The following PROZ variants were observed in gnomAD, a reference collection of about 807,000 sequenced individuals.
The protein encoded by PROZ is protein Z, vitamin K dependent plasma glycoprotein.
In PROZ, 46 loss-of-function variants were observed where a neutral mutation model predicts 34.9. That is an observed-to-expected ratio of 1.32 (90% CI 1.04 to 1.69). PROZ has a LOEUF of 1.69. Ranked by LOEUF, PROZ falls within the 40% of genes most tolerant of loss-of-function variation. The probability of loss-of-function intolerance (pLI) is 0.00; values close to 1 mark genes in which losing one functional copy is unlikely to be tolerated. For missense variants in PROZ, 530 were observed against 520.4 expected (o/e 1.02, Z -0.18); for synonymous variants, 195 against 208.5 (o/e 0.94, Z 0.56).
Position 113,158,676 on chromosome 13 carries a change from C to A in PROZ, c.16C>A (p.Pro6Thr), listed in dbSNP as rs764891776. The A allele has an allele frequency of 7.5e-6, 12 of 1,605,314 alleles. No individual in the cohort carries two copies. In the African/African-American group the frequency reaches 1.6e-4, roughly 21 times the overall value. The change falls in exon 1 of 8, where the codon CCA becomes ACA. Residue 6 changes from proline to threonine, a missense_variant. Physicochemically the swap from Pro to Thr is conservative, Grantham distance 38 (BLOSUM62 -1). Transcript: ENST00000375547. The surrounding 1 kb of genome is among the most constrained non-coding windows in gnomAD (Gnocchi z 4.3). MAGCV[P>T]LLQGLVLVLA... ...CCGGGTGGGAATGGCAGGCTGCGTC[C>A]CACTGCTCCAGGGCCTGGTCCTGGT...
At position 113,159,851 on chromosome 13, in the gene PROZ, TC is replaced by T. The variant is rs1358364165; in HGVS notation, c.71-162del. 6.6e-5 allele frequency among the ~76,000 whole-genome samples: 10 copies of T among 152,158 alleles called. No homozygotes were observed. The highest frequency in any genetic ancestry group is 2.4e-4 in the African/African-American group (10 of 41,446). ...CCAGAGGATGAAGTGCTTGCCTACCTCGGGGGAGGGAGTAGCGGGGTGGCCC... is the reference window on the plus strand; with the variant it reads ...CCAGAGGATGAAGTGCTTGCCTACCTGGGGGAGGGAGTAGCGGGGTGGCCC... On this transcript the variant is annotated intron_variant, in intron 1 of 7. Transcript: ENST00000375547. This position sits in a 1 kb window ranked among gnomAD's most constrained non-coding sequence, Gnocchi z 4.6.
At chr13:113,168,762 C>T (rs2037022049) in intron 6 of PROZ, among the ~76,000 whole-genome samples, 1 of 151,970 alleles carries the variant, frequency 6.6e-6, no homozygotes. Context: ...CGGGTCTCGC[C>T]CTATTGCCTG....
rs559152328 is a variant in PROZ at position 113,163,229 on chromosome 13, T to G, written c.373+107T>G. 9.3e-5 allele frequency: 91 copies of G among 982,958 alleles called. 1 individual carries two copies. In the Admixed American group the frequency reaches 1.8e-3, roughly 19 times the overall value. 60.9% of individuals were successfully genotyped at this position (982,958 alleles called of 1,614,324 possible). A position where few individuals can be genotyped will look rare whatever the true frequency, so the allele number is the denominator to read the frequency against. On this transcript the variant is annotated intron_variant, in intron 4 of 7. Coordinates refer to ENST00000375547, the MANE Select transcript of PROZ (RefSeq NM_003891.3). ...CCCTCCTGAGGTGTAGCCATGAAGG[T>G]GCCTGTGTGAACCGCGATTTGGCTC...
chr13:113,170,370 C>T, intron 6 of PROZ, 43 bp from the exon 7 acceptor site: 4 of 1,267,448 alleles, frequency 3.2e-6, no homozygotes, highest in Non-Finnish European at 4.6e-6. Context: ...CCTAATCCTG[C>T]AAATTGTCAC....
At position 113,159,964 on chromosome 13, in the gene PROZ, A is replaced by C; in HGVS notation, c.71-50A>C. On this transcript the variant is annotated intron_variant, in intron 1 of 7. Coordinates refer to ENST00000375547, the MANE Select transcript of PROZ (RefSeq NM_003891.3). This position sits in a 1 kb window ranked among gnomAD's most constrained non-coding sequence, Gnocchi z 4.6. ...GGGAGGAAGCCAGGCAGCTCTGGAA[A>C]GCAGGGCCCTCGGTGCTCCCAGTCA... 6.2e-7 allele frequency: 1 copy of C among 1,607,398 alleles called. No homozygotes were observed. Among genetic ancestry groups the C allele is most frequent in the Non-Finnish European group, 8.5e-7 (1 of 1,175,148 alleles).
In PROZ at chr13:113,171,221, C is replaced by T. The variant is rs1338892330; in HGVS notation, c.692-373C>T. On this transcript the variant is annotated intron_variant, in intron 7 of 7. Coordinates refer to ENST00000375547, the MANE Select transcript of PROZ (RefSeq NM_003891.3). The surrounding 1 kb of genome is among the most constrained non-coding windows in gnomAD (Gnocchi z 5.1). Reference sequence around the variant, plus strand: ...TACAGATGTGAGCCACTGTGCCTGGCCCTTAAATATTTTTCAATCAACAAA... The same window carrying T: ...TACAGATGTGAGCCACTGTGCCTGGTCCTTAAATATTTTTCAATCAACAAA... Among the ~76,000 whole-genome samples the T allele has an allele frequency of 6.6e-6, 1 of 152,194 alleles. No individual in the cohort carries two copies. The highest frequency in any genetic ancestry group is 1.5e-5 in the Non-Finnish European group (1 of 68,040).
intron 5 of PROZ, 80 bp downstream of exon 5, chr13:113,164,724 G>A: frequency 6.3e-7 from 1 of 1,582,132 alleles, no homozygotes; most frequent in Non-Finnish European, 8.6e-7. Flanking sequence ...TGTAGTACTG[G>A]GTGAAGCCCG....
At position 113,171,522 on chromosome 13, in the gene PROZ, A is replaced by G. The variant is rs2037111029; in HGVS notation, c.692-72A>G. The G allele has an allele frequency of 6.3e-7, 1 of 1,599,500 alleles. No individual in the cohort carries two copies. The highest frequency in any genetic ancestry group is 1.7e-5 in the Admixed American group (1 of 59,054). On this transcript the variant is annotated intron_variant, in intron 7 of 7. Transcript: ENST00000375547. This position sits in a 1 kb window ranked among gnomAD's most constrained non-coding sequence, Gnocchi z 5.1. Reference sequence around the variant, plus strand: ...CTCTCCCTCCTCACGTGGCTCCCTGAGAAGCTCGTTTGAGCATTATGTCCC... The same window carrying G: ...CTCTCCCTCCTCACGTGGCTCCCTGGGAAGCTCGTTTGAGCATTATGTCCC...
At chr13:113,162,903 AT>A in intron 3 of PROZ, 105 bp from the exon 4 acceptor site, 2 of 242,908 alleles carry the variant, frequency 8.2e-6, no homozygotes, top group South Asian at 2.9e-5. Context: ...CCCCCACTCC[AT>A]CCTCCTCCTG....
chr13:113,170,358 C>A, intron 6 of PROZ, 55 bp from the exon 7 acceptor site: 3 of 1,092,558 alleles, frequency 2.7e-6, no homozygotes, highest in East Asian at 2.4e-5. Flanking sequence ...GACTTTACTG[C>A]CCCTAATCCT....
In PROZ at chr13:113,164,551, CAA is replaced by C; in HGVS notation, c.413_414del (p.Gln138ProfsTer22). 1.2e-6 allele frequency: 2 copies of C among 1,613,072 alleles called. No individual in the cohort carries two copies. The highest frequency in any genetic ancestry group is 1.7e-6 in the Non-Finnish European group (2 of 1,179,958). ...TCACCCAGAGCGGACTGATGGGTGT[CAA>C]CACTTCTGCCTCCCAGGACAGGAAT... ...ECHPERTDGC[Q>X]HFCLPGQESY... On this transcript the variant is annotated frameshift_variant, in exon 5 of 8. Transcript: ENST00000375547. LOFTEE classifies it high-confidence loss of function.
At position 113,160,076 on chromosome 13, in the gene PROZ, C is replaced by A. The variant is rs952086434; in HGVS notation, c.133C>A (p.Leu45Ile). 1 of 1,614,190 alleles carries A rather than the reference C, an allele frequency of 6.2e-7. No homozygotes were observed. The highest frequency in any genetic ancestry group is 1.1e-5 in the South Asian group (1 of 91,082). ...GAGGTGGAAGCGTGCGGGCTCCTAT[C>A]TTCTGGAAGAACTCTTCGAGGGAAA... ...LVRWKRAGSY[L>I]LEELFEGNLE... is the part of the protein sequence containing the mutation. The change falls in exon 2 of 8, where the codon CTT (leucine) becomes ATT (isoleucine). Residue 45 changes from leucine (L) to isoleucine (I), a missense_variant. By Grantham distance (5) the Leu-to-Ile change is conservative. Coordinates refer to ENST00000375547, the MANE Select transcript of PROZ (RefSeq NM_003891.3).
intron 3 of PROZ, among the ~76,000 whole-genome samples, 161 bp from the exon 4 acceptor site, chr13:113,162,848 A>C (rs1270660375): frequency 1.7e-3 from 115 of 67,390 alleles, no homozygotes; most frequent in Admixed American, 2.1e-3. Flanking sequence ...CTGTCACCCC[A>C]CCCTCCTCCT....
rs143900275 is a variant in PROZ at position 113,160,043 on chromosome 13, G to A, written c.100G>A (p.Val34Ile). ...VFLPASKAND[V>I]LVRWKRAGSY... is the part of the protein sequence containing the mutation. Reference sequence around the variant, plus strand: ...TCTCCCGGCCTCCAAAGCAAACGACGTTCTGGTGAGGTGGAAGCGTGCGGG... The same window carrying A: ...TCTCCCGGCCTCCAAAGCAAACGACATTCTGGTGAGGTGGAAGCGTGCGGG... The change falls in exon 2 of 8, where the codon GTT becomes ATT. Residue 34 changes from valine (V) to isoleucine (I), a missense_variant. Physicochemically the swap from Val to Ile is conservative, Grantham distance 29 (BLOSUM62 3). Transcript: ENST00000375547. 549 of 1,614,192 alleles carry A rather than the reference G, an allele frequency of 3.4e-4. No individual in the cohort carries two copies. Among genetic ancestry groups the A allele is most frequent in the Admixed American group, 1.8e-3 (109 of 60,032 alleles).
At position 113,159,252 on chromosome 13, in the gene PROZ, G is replaced by A. The variant is rs1289457909; in HGVS notation, c.70+522G>A. 7.8e-5 allele frequency: 121 copies of A among 1,547,988 alleles called. No individual in the cohort carries two copies. Among genetic ancestry groups the A allele is most frequent in the East Asian group, 9.8e-5 (4 of 40,906 alleles). ...CCATTCTGACTCTGCCTGCACAGGC[G>A]TCCAGGAAAGCTGCAAGTCAAAACA... On this transcript the variant is annotated intron_variant, in intron 1 of 7. Transcript: ENST00000375547. This position sits in a 1 kb window ranked among gnomAD's most constrained non-coding sequence, Gnocchi z 4.6.
At chr13:113,166,156 G>C in intron 6 of PROZ, 1 of 152,158 alleles carries the variant, frequency 6.6e-6, no homozygotes, top group Non-Finnish European at 1.5e-5. Flanking sequence ...TTGTCCAATA[G>C]AAATGCAGTG....
At chr13:113,163,942 T>C (rs1041213112) in intron 4 of PROZ, among the ~76,000 whole-genome samples, 1 of 149,670 alleles carries the variant, frequency 6.7e-6, no homozygotes. Flanking sequence ...AAAGGACAAA[T>C]AGAAGTGTCA....
Position 113,163,059 on chromosome 13 carries a change from G to A in PROZ, c.310G>A (p.Asp104Asn), listed in dbSNP as rs759375673. 40 of 1,563,136 alleles carry A rather than the reference G, an allele frequency of 2.6e-5. No individual in the cohort carries two copies. The highest frequency in any genetic ancestry group is 3.1e-5 in the Non-Finnish European group (36 of 1,152,938). Residue 104 changes from aspartate (D) to asparagine (N), a missense_variant, in exon 4 of 8, where the codon GAC becomes AAC. Asp to Asn is a conservative substitution (Grantham distance 23, BLOSUM62 1). Transcript: ENST00000375547. ...QPCLHNGSCQ[D>N]SIWGYTCTCS... ...CTGCCTCCACAACGGCTCTTGCCAG[G>A]ACAGCATCTGGGGCTACACCTGCAC...
At chr13:113,162,957 T>G in intron 3 of PROZ, 52 bp from the exon 4 acceptor site, 6 of 869,930 alleles carry the variant, frequency 6.9e-6, no homozygotes, top group Middle Eastern at 2.3e-4. Flanking sequence ...CTCCTCCTGC[T>G]CAGGTCCCCG....
Sources: gnomAD v4.1 joint callset for allele counts (sites outside exome capture counted in the v4.1 genomes callset) on GRCh38, gnomAD v4.1.1 for gene constraint, Gnocchi (gnomAD v3.1) non-coding constraint, MANE v1.5 for transcripts, NCBI Gene and HGNC (gene_info 2026-07-23, HGNC 2026-07-21) for gene names.